The following GRAMD1B variants were observed in gnomAD, a reference collection of about 807,000 sequenced individuals.
GRAMD1B encodes protein Aster-B.
A neutral mutation model predicts 99.7 loss-of-function variants in GRAMD1B; 37 were observed. The ratio of observed to expected loss-of-function variants is 0.37; its 90% CI spans 0.29 to 0.49. The LOEUF is 0.49. Ranked by LOEUF, GRAMD1B falls within the 20% of genes least tolerant of loss-of-function variation. GRAMD1B has a pLI of 0.98. For synonymous variants in GRAMD1B, 427 were observed against 387.6 expected, an observed-to-expected ratio of 1.10 and a Z score of -1.19; for missense variants, 888 against 1,009.2, an observed-to-expected ratio of 0.88 and a Z score of 1.63.
chr11:123,586,594 G>A (rs1020444723), intron 4 of GRAMD1B, among the ~76,000 whole-genome samples: 5 of 152,186 alleles, frequency 3.3e-5, no homozygotes, highest in African/African-American at 1.2e-4. Context: ...GCTCATGTCC[G>A]TGCTTTCATG....
At chr11:123,367,020 A>G (rs1361062939) in intron 1 of GRAMD1B, among the ~76,000 whole-genome samples, 2 of 152,212 alleles carry the variant, frequency 1.3e-5, no homozygotes, top group Non-Finnish European at 2.9e-5. Context: ...CCTGAGCAAC[A>G]TAGTGAGATC....
intron 2 of GRAMD1B, among the ~76,000 whole-genome samples, chr11:123,501,161 G>GTTTATTTTTATTTTATT (rs1555045690): frequency 5.9e-5 from 9 of 151,740 alleles, no homozygotes; most frequent in African/African-American, 2.2e-4. Flanking sequence ...TTTTTTGTTT[G>GTTTATTTTTATTTTATT]TTTATTTTTA....
At chr11:123,428,241 C>T (rs1004674224), upstream of GRAMD1B, among the ~76,000 whole-genome samples, 9 of 152,160 alleles carry the variant, frequency 5.9e-5, no homozygotes, top group African/African-American at 1.2e-4. Flanking sequence ...GGAGGAAGTA[C>T]AAGGCAGTGA....
chr11:123,598,462 C>G, intron 7 of GRAMD1B: 1 of 1,006,344 alleles, frequency 9.9e-7, no homozygotes, highest in Non-Finnish European at 1.6e-6. Context: ...AGAATCTCTA[C>G]GTATTCATAG....
chr11:123,532,197 C>G (rs1943461925), intron 2 of GRAMD1B, among the ~76,000 whole-genome samples: 3 of 152,246 alleles, frequency 2.0e-5, no homozygotes, highest in Admixed American at 2.0e-4. Flanking sequence ...CCCTCAGGCT[C>G]TGGAAAACTC....
chr11:123,367,286 C>A (rs963331029), intron 1 of GRAMD1B, among the ~76,000 whole-genome samples: 4 of 152,126 alleles, frequency 2.6e-5, no homozygotes, highest in African/African-American at 4.8e-5. Flanking sequence ...ATATAGCTCA[C>A]GGTCTAGGAA....
chr11:123,459,859 C>G (rs542787568), intron 1 of GRAMD1B: 1 of 152,352 alleles, frequency 6.6e-6, no homozygotes, highest in African/African-American at 2.4e-5. Flanking sequence ...CAAAGCTTGC[C>G]TCTCATCTGT....
At chr11:123,479,534 A>G (rs1322021728) in intron 1 of GRAMD1B, among the ~76,000 whole-genome samples, 1 of 152,214 alleles carries the variant, frequency 6.6e-6, no homozygotes, top group Non-Finnish European at 1.5e-5. Flanking sequence ...CATTTATGGT[A>G]ATAGGGATTT....
At chr11:123,571,039 A>C (rs1948019315) in intron 2 of GRAMD1B, among the ~76,000 whole-genome samples, 1 of 152,152 alleles carries the variant, frequency 6.6e-6, no homozygotes, top group Admixed American at 6.5e-5. Flanking sequence ...TGCAGAGGGA[A>C]GCAGGAAGGA....
Position 123,574,832 on chromosome 11 carries a change from C to T in GRAMD1B, c.453-2535C>T, listed in dbSNP as rs75041257. Among the ~76,000 whole-genome samples, 1,182 of 152,204 alleles carry T rather than the reference C, an allele frequency of 7.8e-3. 16 individuals carry two copies. The highest frequency in any genetic ancestry group is 0.025 in the African/African-American group (1,046 of 41,514). ...GGTTGAAGTTAGAGAAAGCTGGAGA[C>T]GGCCAGGGAGGTGACAGACTCACCT... On this transcript the variant is annotated intron_variant, in intron 2 of 19. Coordinates refer to ENST00000635736, the MANE Select transcript of GRAMD1B (RefSeq NM_001387025.1).
In GRAMD1B at chr11:123,606,655, C is replaced by G; in HGVS notation, c.1370C>G (p.Ser457Cys). 1 of 1,613,080 alleles carries G rather than the reference C, an allele frequency of 6.2e-7. No homozygotes were observed. The highest frequency in any genetic ancestry group is 1.1e-5 in the South Asian group (1 of 90,664). The change falls in exon 11 of 20, where the codon TCC becomes TGC. Residue 457 changes from serine to cysteine, a missense_variant. By Grantham distance (112) the Ser-to-Cys change is moderately radical. Transcript: ENST00000635736. ...LEEEALEGDG[S>C]LEKELAIDNI... is the part of the protein sequence containing the mutation. ...GAAGAGGCGCTGGAGGGAGACGGGT[C>G]CCTGGAAAAGGAGCTCGCCATTGAC...
rs984779232 is a variant in GRAMD1B at position 123,587,810 on chromosome 11, G to A, written c.684+3478G>A. On this transcript the variant is annotated intron_variant, in intron 4 of 19. Transcript: ENST00000635736. This position sits in a 1 kb window ranked among gnomAD's most constrained non-coding sequence, Gnocchi z 4.2. ...CAAGCGAGAAAGCAAAAGAACAAAG[G>A]TTTGTAGGAATGGAATCCAGGGTGT... 1.3e-5 allele frequency among the ~76,000 whole-genome samples: 2 copies of A among 152,186 alleles called. No individual in the cohort carries two copies. Among genetic ancestry groups the A allele is most frequent in the Non-Finnish European group, 2.9e-5 (2 of 68,024 alleles).
intron 4 of GRAMD1B, among the ~76,000 whole-genome samples, chr11:123,588,540 A>G (rs970478020): frequency 5.9e-5 from 9 of 152,194 alleles, no homozygotes; most frequent in Non-Finnish European, 1.2e-4. Context: ...GGAGCTACCT[A>G]CAGCCTACAT....
chr11:123,532,784 A>G (rs1436427558), intron 2 of GRAMD1B, among the ~76,000 whole-genome samples: 1 of 152,246 alleles, frequency 6.6e-6, no homozygotes, highest in Admixed American at 6.5e-5. Flanking sequence ...CATACGTTTT[A>G]TTAGAACACA....
intron 1 of GRAMD1B, among the ~76,000 whole-genome samples, chr11:123,384,470 T>C (rs767537408): frequency 6.6e-6 from 1 of 152,184 alleles, no homozygotes; most frequent in Non-Finnish European, 1.5e-5. Context: ...CCCCTTCCCC[T>C]AAACCCTCTA....
chr11:123,416,468 C>A (rs915385759), intron 1 of GRAMD1B, among the ~76,000 whole-genome samples: 3 of 152,170 alleles, frequency 2.0e-5, no homozygotes, highest in African/African-American at 7.2e-5. Context: ...CCAATTGTTA[C>A]CATTTTCTAC....
intron 1 of GRAMD1B, among the ~76,000 whole-genome samples, chr11:123,432,502 G>A (rs1948944256): frequency 6.7e-6 from 1 of 149,512 alleles, no homozygotes; most frequent in African/African-American, 2.5e-5. Context: ...GCTGCAGTGA[G>A]CCAAGACTGT....
At chr11:123,511,086 TC>T (rs1225712070) in intron 2 of GRAMD1B, among the ~76,000 whole-genome samples, 11 of 152,172 alleles carry the variant, frequency 7.2e-5, no homozygotes, top group African/African-American at 2.7e-4. Flanking sequence ...TCTCTCTCTC[TC>T]TCTGTCTTCT....
At chr11:123,617,885 A>G (rs1474937780) in intron 17 of GRAMD1B, among the ~76,000 whole-genome samples, 1 of 151,976 alleles carries the variant, frequency 6.6e-6, no homozygotes, top group Non-Finnish European at 1.5e-5. Flanking sequence ...CAGCCCCTGG[A>G]TGATCCTTGC....
Sources: allele counts gnomAD v4.1 joint callset (sites outside exome capture counted in the v4.1 genomes callset), GRCh38; gene constraint gnomAD v4.1.1; non-coding constraint Gnocchi (gnomAD v3.1); transcripts MANE v1.5; gene names NCBI Gene and HGNC (gene_info 2026-07-23, HGNC 2026-07-21).